LIN9: variants seen among roughly 807,000 people sequenced by gnomAD.
LIN9 encodes protein lin-9 homolog.
Under a neutral mutation model 78.0 loss-of-function variants are expected in LIN9, and 18 were observed. The observed-to-expected ratio is 0.23, with a 90% CI of 0.16 to 0.34. LIN9 has a LOEUF of 0.34. LIN9 is among the 10% of genes least tolerant of loss of function. The probability of loss-of-function intolerance (pLI) is 1.00; values close to 1 mark genes in which losing one functional copy is unlikely to be tolerated. For synonymous variants in LIN9, 192 were observed against 215.2 expected, an observed-to-expected ratio of 0.89 and a Z score of 0.94; for missense variants, 451 against 644.1, an observed-to-expected ratio of 0.70 and a Z score of 3.25.
chr1:226,286,617 A>G (rs904042717), intron 5 of LIN9, among the ~76,000 whole-genome samples, 159 bp from the exon 6 acceptor site: 1 of 152,234 alleles, frequency 6.6e-6, no homozygotes, highest in African/African-American at 2.4e-5. Flanking sequence ...CATTTGTGAA[A>G]CATCTAATGT....
At chr1:226,261,306 GAAATT>G (rs1659573744) in intron 10 of LIN9, among the ~76,000 whole-genome samples, 1 of 151,146 alleles carries the variant, frequency 6.6e-6, no homozygotes, top group Non-Finnish European at 1.5e-5. Flanking sequence ...ATAAGAAAGA[GAAATT>G]AAAGGTAGAA....
intron 6 of LIN9, among the ~76,000 whole-genome samples, chr1:226,279,520 T>G (rs374496465): frequency 7.0e-6 from 1 of 143,544 alleles, no homozygotes; most frequent in Non-Finnish European, 1.5e-5. Flanking sequence ...CTCAGCACTT[T>G]GGGAGGCTGA....
In LIN9 at chr1:226,302,432, A is replaced by G. The variant is rs1187016208; in HGVS notation, c.32-1227T>C. ...GTGGCGAGCACCTGTAGTCCCAGCT[A>G]CTCGGGAGGCTGAGGTGGGAGAATG... is the stretch of plus-strand genomic sequence containing the variant. On this transcript the variant is annotated intron_variant, in intron 1 of 14. Coordinates refer to ENST00000681046, the MANE Select transcript of LIN9 (RefSeq NM_001366245.2). 3.3e-5 allele frequency among the ~76,000 whole-genome samples: 5 copies of G among 152,024 alleles called. No individual in the cohort carries two copies. In the South Asian group the frequency reaches 1.0e-3, roughly 32 times the overall value.
At chr1:226,304,020 C>G (rs1178399606) in intron 1 of LIN9, among the ~76,000 whole-genome samples, 1 of 152,184 alleles carries the variant, frequency 6.6e-6, no homozygotes, top group Non-Finnish European at 1.5e-5. Context: ...CTACCTTAAG[C>G]AAGTTACTTT....
chr1:226,279,715 T>C (rs1280149519), intron 6 of LIN9, among the ~76,000 whole-genome samples: 1 of 136,874 alleles, frequency 7.3e-6, no homozygotes, highest in African/African-American at 2.8e-5. Context: ...ACAGAAGTTG[T>C]AGTGAGCCGA....
intron 4 of LIN9, among the ~76,000 whole-genome samples, chr1:226,294,976 T>G (rs1029633906): frequency 6.6e-6 from 1 of 151,954 alleles, no homozygotes; most frequent in Admixed American, 6.6e-5. Flanking sequence ...TTTTTTTGTA[T>G]GTTTAGTAGA....
intron 14 of LIN9, 79 bp from the exon 15 acceptor site, chr1:226,232,685 T>C (rs1412102597): frequency 1.3e-6 from 1 of 752,338 alleles, no homozygotes; most frequent in African/African-American, 1.8e-5. Context: ...ACCTGAATTT[T>C]AGTTAGGAAA....
intron 12 of LIN9, among the ~76,000 whole-genome samples, chr1:226,238,738 T>A (rs1354722920): frequency 6.6e-6 from 1 of 152,194 alleles, no homozygotes; most frequent in African/African-American, 2.4e-5. Flanking sequence ...TTTTCCAAAT[T>A]TTTTTGGAGG....
chr1:226,276,924 A>G (rs533443146), intron 7 of LIN9, among the ~76,000 whole-genome samples: 1 of 152,336 alleles, frequency 6.6e-6, no homozygotes, highest in African/African-American at 2.4e-5. Context: ...TTATTCAATC[A>G]TTAGAAATGG....
At chr1:226,236,598 G>GGC (rs1432108491) in intron 12 of LIN9, among the ~76,000 whole-genome samples, 1 of 152,110 alleles carries the variant, frequency 6.6e-6, no homozygotes, top group Non-Finnish European at 1.5e-5. Flanking sequence ...TGGGACTACA[G>GGC]GCGCCCGCCA....
chr1:226,279,971 T>C (rs1157595729), intron 6 of LIN9, among the ~76,000 whole-genome samples: 2 of 152,164 alleles, frequency 1.3e-5, no homozygotes, highest in East Asian at 1.9e-4. Context: ...CAAGTTCCAT[T>C]TCAATATTCT....
In LIN9 at chr1:226,252,954, G is replaced by A. The variant is rs540841594; in HGVS notation, c.1039-2035C>T. ...GAACTCCAGCCTGGGGGACAAGAGC[G>A]AAACACCCTCTCAAAAAAGAAATCC... On this transcript the variant is annotated intron_variant, in intron 10 of 14. Transcript: ENST00000681046. Among the ~76,000 whole-genome samples the A allele has an allele frequency of 2.6e-3, 392 of 151,474 alleles. 1 individual carries two copies. The highest frequency in any genetic ancestry group is 8.3e-3 in the African/African-American group (344 of 41,268).
chr1:226,267,402 G>T (rs1421743686), intron 8 of LIN9, among the ~76,000 whole-genome samples: 2 of 117,970 alleles, frequency 1.7e-5, no homozygotes, highest in Admixed American at 1.1e-4. Flanking sequence ...CAGCCTGGGC[G>T]ACAGAGCAAG....
chr1:226,261,177 T>C (rs1659563204), intron 10 of LIN9, among the ~76,000 whole-genome samples: 1 of 151,718 alleles, frequency 6.6e-6, no homozygotes, highest in Admixed American at 6.6e-5. Flanking sequence ...TCATGTCTAA[T>C]ATCATACTTA....
chr1:226,240,282 T>C (rs1658020428), intron 11 of LIN9, among the ~76,000 whole-genome samples: 1 of 152,224 alleles, frequency 6.6e-6, no homozygotes, highest in South Asian at 2.1e-4. Context: ...TCTTGCTATG[T>C]TGCCCAGGCT....
At position 226,233,483 on chromosome 1, in the gene LIN9, G is replaced by C; in HGVS notation, c.1286C>G (p.Thr429Arg). The change falls in exon 13 of 15, where the codon ACA becomes AGA. Residue 429 changes from threonine (T) to arginine (R), a missense_variant. Coordinates refer to ENST00000681046, the MANE Select transcript of LIN9 (RefSeq NM_001366245.2). Reference protein sequence around the residue: ...DQGLQPADQPTDMRRRCEEEA... With the variant: ...DQGLQPADQPRDMRRRCEEEA... ...TTCCTCACACCTGCGTCTCATATCT[G>C]TTGGCTGATCTGCAGGCTGGAGCCC... The C allele has an allele frequency of 1.2e-6, 2 of 1,614,068 alleles. No individual in the cohort carries two copies. The highest frequency in any genetic ancestry group is 1.7e-6 in the Non-Finnish European group (2 of 1,179,996).
intron 4 of LIN9, among the ~76,000 whole-genome samples, chr1:226,292,641 T>G (rs973136677): frequency 2.0e-5 from 3 of 151,754 alleles, no homozygotes; most frequent in Admixed American, 1.3e-4. Context: ...AAATTTTTTT[T>G]GTAGAGACAG....
rs757440794 is a variant in LIN9, at chr1:226,273,633, A to G, written c.682+4142T>C. ...TTTCTTCTTCTTCTTTTTTTTAAAA[A>G]GGCAGTTCCCAAACCAGCAGCATTA... On this transcript the variant is annotated intron_variant, in intron 7 of 14. Transcript: ENST00000681046. 4.3e-4 allele frequency among the ~76,000 whole-genome samples: 65 copies of G among 152,032 alleles called. 1 individual carries two copies. Among genetic ancestry groups the G allele is most frequent in the Non-Finnish European group, 8.8e-5 (6 of 68,006 alleles).
Position 226,290,920 on chromosome 1 carries a change from C to T in LIN9, c.265-3123G>A, listed in dbSNP as rs555651316. Among the ~76,000 whole-genome samples the T allele has an allele frequency of 2.7e-3, 416 of 152,044 alleles. 3 individuals are homozygous for T. Among genetic ancestry groups the T allele is most frequent in the African/African-American group, 9.4e-3 (392 of 41,484 alleles). On this transcript the variant is annotated intron_variant, in intron 4 of 14. Transcript: ENST00000681046. The stretch of plus-strand genomic sequence containing the variant: ...TACAGGCACGTGCCGCCACACCTGG[C>T]TAATTTTTCTATTTTTAGTAGAGAT...
Sources: allele counts gnomAD v4.1 joint callset (sites outside exome capture counted in the v4.1 genomes callset), GRCh38; gene constraint gnomAD v4.1.1; transcripts MANE v1.5; gene names NCBI Gene and HGNC (gene_info 2026-07-23, HGNC 2026-07-21).